ADAM12: variants seen among roughly 807,000 people sequenced by gnomAD.
ADAM12 encodes ADAM metallopeptidase domain 12, also known as disintegrin and metalloproteinase domain-containing protein 12.
In ADAM12, 70 loss-of-function variants were observed where a neutral mutation model predicts 106.4. That is an observed-to-expected ratio of 0.66 (90% CI 0.54 to 0.80). The LOEUF (loss-of-function observed/expected upper bound fraction) is 0.80. Among genes scored for constraint, ADAM12 ranks in the 30% least tolerant of loss-of-function variants. The probability of loss-of-function intolerance (pLI) is 0.00; values close to 1 mark genes in which losing one functional copy is unlikely to be tolerated. For synonymous variants in ADAM12, 420 were observed against 433.5 expected, an observed-to-expected ratio of 0.97 and a Z score of 0.39; for missense variants, 1,010 against 1,171.9, an observed-to-expected ratio of 0.86 and a Z score of 2.02.
At chr10:126,187,330 A>AG (rs915260599) in intron 3 of ADAM12, among the ~76,000 whole-genome samples, 45 of 152,182 alleles carry the variant, frequency 3.0e-4, no homozygotes, top group African/African-American at 1.1e-3. Context: ...ATGAAATAAA[A>AG]AAAAAACAAA....
chr10:126,174,008 AT>A (rs200354475), intron 3 of ADAM12, among the ~76,000 whole-genome samples: 277 of 90,436 alleles, frequency 3.1e-3, no homozygotes, highest in African/African-American at 8.5e-3. Flanking sequence ...TCTGTTGTTG[AT>A]TTTTTTTTTT....
intron 5 of ADAM12, among the ~76,000 whole-genome samples, chr10:126,122,490 G>A (rs563642986): frequency 1.3e-5 from 2 of 152,258 alleles, no homozygotes; most frequent in South Asian, 4.2e-4. Context: ...GGCAGGGTGC[G>A]GTGGCTCACG....
At chr10:126,114,167 C>T (rs958716075) in intron 6 of ADAM12, among the ~76,000 whole-genome samples, 3 of 152,160 alleles carry the variant, frequency 2.0e-5, no homozygotes, top group Non-Finnish European at 2.9e-5. Context: ...ATCATATCCA[C>T]ACAGGATACA....
At chr10:126,294,567 C>T (rs1040756888) in intron 2 of ADAM12, among the ~76,000 whole-genome samples, 33 of 152,134 alleles carry the variant, frequency 2.2e-4, no homozygotes, top group Non-Finnish European at 4.0e-4. Context: ...CTAAGAATGA[C>T]CTGACTTAAA....
intron 1 of ADAM12, among the ~76,000 whole-genome samples, chr10:126,338,164 T>A (rs1012631770): frequency 1.3e-5 from 2 of 151,926 alleles, no homozygotes; most frequent in African/African-American, 4.8e-5. Flanking sequence ...ACGAGCTGTC[T>A]CTACTACACA....
intron 3 of ADAM12, among the ~76,000 whole-genome samples, chr10:126,172,549 T>C (rs899488010): frequency 6.6e-6 from 1 of 152,106 alleles, no homozygotes; most frequent in Non-Finnish European, 1.5e-5. Flanking sequence ...ATCAAAACCA[T>C]GATGAGATAC....
rs140699909 is a variant in ADAM12 at position 126,039,398 on chromosome 10, C to A, written c.2136G>T (p.Val712=). The A allele has an allele frequency of 4.1e-5, 66 of 1,614,126 alleles. No individual in the cohort carries two copies. The African/African-American group carries it at 7.9e-4, about 19-fold the overall frequency. The part of the protein sequence containing the change: ...DNQGLTIGIL[V]TILCLLAAGF... The stretch of plus-strand genomic sequence containing the variant: ...CGGCAGCAAGAAGACACAGGATGGT[C>A]ACCAGAATTCCTATGGTTAAACCTT... Residue 712 remains valine, a synonymous_variant, in exon 19 of 23, where the codon GTG becomes GTT. Coordinates refer to ENST00000448723, the MANE Select transcript of ADAM12 (RefSeq NM_001288973.2).
intron 3 of ADAM12, among the ~76,000 whole-genome samples, chr10:126,274,362 C>A (rs1403002860): frequency 6.6e-6 from 1 of 152,190 alleles, no homozygotes; most frequent in South Asian, 2.1e-4. Context: ...TACCCCCACA[C>A]GCTCAGGTGG....
At chr10:126,283,093 C>T (rs986485589) in intron 2 of ADAM12, among the ~76,000 whole-genome samples, 6 of 152,028 alleles carry the variant, frequency 3.9e-5, no homozygotes, top group African/African-American at 1.4e-4. Context: ...AAGGAGCCCA[C>T]AACCTAGATC....
chr10:126,342,891 C>T (rs1854983983), intron 1 of ADAM12, among the ~76,000 whole-genome samples: 2 of 151,822 alleles, frequency 1.3e-5, no homozygotes, highest in African/African-American at 4.8e-5. Context: ...CAAGGTGAAT[C>T]CGCTGATGAG....
intron 11 of ADAM12, among the ~76,000 whole-genome samples, chr10:126,072,939 G>A (rs1406020045): frequency 1.3e-5 from 2 of 152,166 alleles, no homozygotes; most frequent in South Asian, 2.1e-4. Context: ...GTAGACCAGC[G>A]GCCACTTAAT....
At chr10:126,380,300 T>C (rs1856444906) in intron 1 of ADAM12, among the ~76,000 whole-genome samples, 1 of 152,224 alleles carries the variant, frequency 6.6e-6, no homozygotes. Context: ...TGGCAAATAA[T>C]GTTCATTTGA....
chr10:126,082,376 T>TTTTTC (rs1955242111), intron 11 of ADAM12, among the ~76,000 whole-genome samples: 1 of 145,206 alleles, frequency 6.9e-6, no homozygotes, highest in South Asian at 2.2e-4. Context: ...TTTTTTTTTT[T>TTTTTC]TTTTTTTTTT....
chr10:126,040,881 T>A (rs937975911), intron 18 of ADAM12, among the ~76,000 whole-genome samples: 17 of 152,106 alleles, frequency 1.1e-4, no homozygotes, highest in Non-Finnish European at 4.4e-5. Context: ...GGGCAGTGAC[T>A]GACTCCATTT....
At chr10:126,131,727 T>C (rs1018864940) in intron 5 of ADAM12, among the ~76,000 whole-genome samples, 3 of 152,196 alleles carry the variant, frequency 2.0e-5, no homozygotes, top group Admixed American at 6.5e-5. Context: ...TCTTGGACTT[T>C]CCAGGCTCAA....
At chr10:126,368,433 T>G (rs936596785) in intron 1 of ADAM12, among the ~76,000 whole-genome samples, 9 of 149,608 alleles carry the variant, frequency 6.0e-5, no homozygotes, top group Non-Finnish European at 1.0e-4. Flanking sequence ...ACAAATAGGG[T>G]ACAACTTTAA....
chr10:126,238,714 A>G (rs3858316), intron 3 of ADAM12, among the ~76,000 whole-genome samples: 52,842 of 152,062 alleles, frequency 0.35, 9,949 homozygotes, highest in African/African-American at 0.5. Flanking sequence ...AACACGTACA[A>G]TATTATGCTT....
At position 126,029,843 on chromosome 10, in the gene ADAM12, T is replaced by C. The variant is rs151201276; in HGVS notation, c.2529+6303A>G. On this transcript the variant is annotated intron_variant, in intron 21 of 22. Coordinates refer to ENST00000448723, the MANE Select transcript of ADAM12 (RefSeq NM_001288973.2). Reference sequence around the variant, plus strand: ...AGACCACTGTTTTTAACCTATCGATTGGCAAAGAGATGAAAAACCTCCGAA... The same window carrying C: ...AGACCACTGTTTTTAACCTATCGATCGGCAAAGAGATGAAAAACCTCCGAA... 3.2e-3 allele frequency among the ~76,000 whole-genome samples: 487 copies of C among 152,318 alleles called. 3 individuals carry two copies. The highest frequency in any genetic ancestry group is 5.4e-3 in the Admixed American group (83 of 15,298).
At position 126,190,989 on chromosome 10, in the gene ADAM12, CCTT is replaced by C. The variant is rs1957489229; in HGVS notation, c.261-35687_261-35685del. Among the ~76,000 whole-genome samples, 4 of 68,710 alleles carry C rather than the reference CCTT, an allele frequency of 5.8e-5. 1 individual carries two copies. The highest frequency in any genetic ancestry group is 1.5e-4 in the Admixed American group (1 of 6,690). 45.1% of individuals were successfully genotyped at this position (68,710 alleles called of 152,430 possible). ...TTTGAGTTGCCATGAGGAGTTTTGTCCTTTTTTTTTTTTTTTTTTTTTTTTTTT... is the reference window on the plus strand; with the variant it reads ...TTTGAGTTGCCATGAGGAGTTTTGTCTTTTTTTTTTTTTTTTTTTTTTTTT... On this transcript the variant is annotated intron_variant, in intron 3 of 22. Transcript: ENST00000448723.
Sources: allele counts gnomAD v4.1 joint callset (sites outside exome capture counted in the v4.1 genomes callset), GRCh38; gene constraint gnomAD v4.1.1; transcripts MANE v1.5; gene names NCBI Gene and HGNC (gene_info 2026-07-23, HGNC 2026-07-21).